PPP1R9A: variants seen among roughly 807,000 people sequenced by gnomAD.
PPP1R9A encodes protein phosphatase 1 regulatory subunit 9A.
A neutral mutation model predicts 141.9 loss-of-function variants in PPP1R9A; 59 were observed. The observed-to-expected ratio is 0.42, with a 90% CI of 0.34 to 0.52. The LOEUF (loss-of-function observed/expected upper bound fraction) is 0.52. PPP1R9A is among the 20% of genes least tolerant of loss of function. The pLI is 0.10. For synonymous variants in PPP1R9A, 500 were observed against 569.7 expected, an observed-to-expected ratio of 0.88 and a Z score of 1.74; for missense variants, 1,444 against 1,611.9, an observed-to-expected ratio of 0.90 and a Z score of 1.78.
At chr7:95,134,157 T>A (rs1418755601) in intron 4 of PPP1R9A, among the ~76,000 whole-genome samples, 4 of 152,182 alleles carry the variant, frequency 2.6e-5, no homozygotes, top group Admixed American at 2.6e-4. Context: ...AATGAGTTCA[T>A]GTCCTTTGCA....
intron 17 of PPP1R9A, among the ~76,000 whole-genome samples, chr7:95,285,954 C>T (rs996538091): frequency 6.6e-6 from 1 of 152,098 alleles, no homozygotes; most frequent in South Asian, 2.1e-4. Flanking sequence ...GAATTCTGTA[C>T]CCTTGAAGAG....
chr7:95,174,116 T>G (rs1463865163), intron 5 of PPP1R9A, among the ~76,000 whole-genome samples: 1 of 152,142 alleles, frequency 6.6e-6, no homozygotes, highest in East Asian at 1.9e-4. Context: ...ACAACTCAAG[T>G]GTTCTTTAAC....
chr7:95,107,131 G>A (rs1385544488), intron 2 of PPP1R9A, among the ~76,000 whole-genome samples: 14 of 151,998 alleles, frequency 9.2e-5, no homozygotes, highest in Non-Finnish European at 1.9e-4. Flanking sequence ...TGAATGCATA[G>A]TATCTCCTTG....
At chr7:95,123,124 A>G (rs773848329) in intron 4 of PPP1R9A, among the ~76,000 whole-genome samples, 11 of 151,954 alleles carry the variant, frequency 7.2e-5, no homozygotes, top group Non-Finnish European at 1.2e-4. Flanking sequence ...ACATAGACAT[A>G]TTTATTTTTC....
chr7:95,198,536 C>G, intron 6 of PPP1R9A, 52 bp downstream of exon 6: 1 of 1,502,494 alleles, frequency 6.7e-7, no homozygotes, highest in Non-Finnish European at 8.9e-7. Context: ...ATTCATGAAA[C>G]TCTCTCTACT....
chr7:95,151,941 CTTTTTTTTTT>C (rs1167382285), intron 4 of PPP1R9A, among the ~76,000 whole-genome samples: 1 of 54,462 alleles, frequency 1.8e-5, no homozygotes, highest in Non-Finnish European at 3.2e-5. Flanking sequence ...TACTGAGAAT[CTTTTTTTTTT>C]TTTTTTTTTT....
chr7:95,088,631 C>G (rs567540839), intron 2 of PPP1R9A, among the ~76,000 whole-genome samples: 18 of 152,032 alleles, frequency 1.2e-4, no homozygotes, highest in African/African-American at 4.1e-4. Flanking sequence ...AAAGTTAGAG[C>G]TGTAGAGATC....
At chr7:95,097,455 C>G (rs758424346) in intron 2 of PPP1R9A, among the ~76,000 whole-genome samples, 2 of 152,240 alleles carry the variant, frequency 1.3e-5, no homozygotes, top group Non-Finnish European at 2.9e-5. Flanking sequence ...CTGCAGTCAG[C>G]ATTCACAGGC....
intron 7 of PPP1R9A, among the ~76,000 whole-genome samples, chr7:95,221,773 G>A (rs1282550223): frequency 6.6e-6 from 1 of 151,932 alleles, no homozygotes; most frequent in Non-Finnish European, 1.5e-5. Context: ...TTTTGCCTTG[G>A]AAGGATCTTT....
intron 5 of PPP1R9A, among the ~76,000 whole-genome samples, chr7:95,189,442 T>G (rs1344591675): frequency 7.0e-6 from 1 of 143,612 alleles, no homozygotes; most frequent in Non-Finnish European, 1.5e-5. Flanking sequence ...TCTTTTTTTT[T>G]TTTTTTTTTT....
At chr7:95,106,938 C>T (rs901724172) in intron 2 of PPP1R9A, among the ~76,000 whole-genome samples, 43 of 151,966 alleles carry the variant, frequency 2.8e-4, no homozygotes, top group African/African-American at 9.2e-4. Context: ...CACGCCACCA[C>T]GCCCAGTTAA....
chr7:94,933,477 G>T (rs762452269), intron 2 of PPP1R9A, among the ~76,000 whole-genome samples: 12 of 152,140 alleles, frequency 7.9e-5, no homozygotes, highest in Non-Finnish European at 1.5e-4. Flanking sequence ...TCTCTCAACT[G>T]TATTGGAGAC....
intron 2 of PPP1R9A, among the ~76,000 whole-genome samples, chr7:94,987,967 G>A (rs1158058028): frequency 2.0e-5 from 3 of 152,030 alleles, no homozygotes; most frequent in Non-Finnish European, 1.5e-5. Context: ...ACTTAAAGGT[G>A]ATAAAACACA....
intron 2 of PPP1R9A, among the ~76,000 whole-genome samples, chr7:95,051,480 A>G (rs1288456640): frequency 6.6e-6 from 1 of 152,164 alleles, no homozygotes; most frequent in African/African-American, 2.4e-5. Flanking sequence ...GTTTCTCCAT[A>G]TAAACTTTAG....
intron 2 of PPP1R9A, among the ~76,000 whole-genome samples, chr7:94,960,452 A>C (rs760441670): frequency 5.9e-5 from 9 of 151,716 alleles, no homozygotes; most frequent in Non-Finnish European, 1.3e-4. Flanking sequence ...TTTATGTTAT[A>C]AATGATAGTC....
rs534985030 is a variant in PPP1R9A, at chr7:95,167,137, G to A, written c.1754+5166G>A. Among the ~76,000 whole-genome samples, 5 of 152,292 alleles carry A rather than the reference G, an allele frequency of 3.3e-5. No homozygotes were observed. In the East Asian group the frequency reaches 9.6e-4, roughly 29 times the overall value. On this transcript the variant is annotated intron_variant, in intron 5 of 19. Coordinates refer to ENST00000433360, the MANE Select transcript of PPP1R9A (RefSeq NM_001166160.2). ...GGGAGGCCTCACAATCATGGTGGAA[G>A]GCAAGGAGGAGCAAGTCACATCTTA...
intron 2 of PPP1R9A, among the ~76,000 whole-genome samples, chr7:94,982,337 C>T (rs1800231877): frequency 1.3e-5 from 2 of 152,086 alleles, no homozygotes; most frequent in African/African-American, 4.8e-5. Flanking sequence ...TGGGTATATA[C>T]CCAGTAATGG....
chr7:95,277,818 A>G (rs966787751), intron 16 of PPP1R9A, among the ~76,000 whole-genome samples: 4 of 152,256 alleles, frequency 2.6e-5, no homozygotes, highest in African/African-American at 4.8e-5. Flanking sequence ...AATGTATACC[A>G]AAGGGTAAAA....
intron 12 of PPP1R9A, among the ~76,000 whole-genome samples, chr7:95,266,566 A>G (rs1439482606): frequency 6.6e-6 from 1 of 152,106 alleles, no homozygotes; most frequent in Non-Finnish European, 1.5e-5. Flanking sequence ...ATGGTAGCGC[A>G]TTAATTAGTT....
Sources: allele counts gnomAD v4.1 joint callset (sites outside exome capture counted in the v4.1 genomes callset), GRCh38; gene constraint gnomAD v4.1.1; transcripts MANE v1.5; gene names NCBI Gene and HGNC (gene_info 2026-07-23, HGNC 2026-07-21).